Variants in CLIC6 observed in about 807,000 individuals in gnomAD.
CLIC6 encodes CLIC family member 6, also known as chloride intracellular channel protein 6.
CLIC6 carries 39 observed loss-of-function variants against 49.2 expected under a neutral mutation model. That is an observed-to-expected ratio of 0.79 (90% CI 0.61 to 1.04). The LOEUF is 1.04. Among genes scored for constraint, CLIC6 ranks in the 50% least tolerant of loss-of-function variants. The pLI is 0.00. For missense variants in CLIC6, 988 were observed against 993.1 expected, an observed-to-expected ratio of 0.99 and a Z score of 0.07; for synonymous variants, 446 against 433.4, an observed-to-expected ratio of 1.03 and a Z score of -0.36.
intron 1 of CLIC6, among the ~76,000 whole-genome samples, chr21:34,678,807 T>A (rs1040363943): frequency 6.6e-6 from 1 of 152,204 alleles, no homozygotes; most frequent in African/African-American, 2.4e-5. Flanking sequence ...TACATTGGAA[T>A]AGTAAAATTT....
chr21:34,675,443 A>T (rs1218290805), intron 1 of CLIC6, among the ~76,000 whole-genome samples: 1 of 151,986 alleles, frequency 6.6e-6, no homozygotes, highest in Non-Finnish European at 1.5e-5. Context: ...TGAAAGGGAG[A>T]TGTTATTTTC....
chr21:34,681,835 G>A (rs1435590529), intron 1 of CLIC6, among the ~76,000 whole-genome samples: 1 of 152,096 alleles, frequency 6.6e-6, no homozygotes, highest in African/African-American at 2.4e-5. Flanking sequence ...GTGGAATTAG[G>A]CTCCACCAAT....
chr21:34,672,531 G>A (rs1989585213), intron 1 of CLIC6, among the ~76,000 whole-genome samples: 1 of 152,200 alleles, frequency 6.6e-6, no homozygotes, highest in African/African-American at 2.4e-5. Flanking sequence ...TAGCATGGAT[G>A]TCATATCTTC....
At position 34,716,735 on chromosome 21, in the gene CLIC6, G is replaced by T; in HGVS notation, c.*253G>T. 3.7e-6 allele frequency: 1 copy of T among 272,758 alleles called. No individual in the cohort carries two copies. Among genetic ancestry groups the T allele is most frequent in the South Asian group, 9.0e-5 (1 of 11,056 alleles). 16.9% of individuals were successfully genotyped at this position (272,758 alleles called of 1,614,324 possible). A position where few individuals can be genotyped will look rare whatever the true frequency, so the allele number is the denominator to read the frequency against. On this transcript the variant is annotated 3_prime_UTR_variant, in exon 6 of 6. Coordinates refer to ENST00000349499, the MANE Select transcript of CLIC6 (RefSeq NM_053277.3). ...TGATATTTTAAAGCAATATCAGAGG[G>T]TGTAAAGAAGGACATTTTAACAATC...
chr21:34,709,124 T>C (rs1221999066), intron 4 of CLIC6, among the ~76,000 whole-genome samples: 1 of 152,246 alleles, frequency 6.6e-6, no homozygotes, highest in Non-Finnish European at 1.5e-5. Context: ...ATAAGTATTT[T>C]TGAATAAATA....
chr21:34,706,078 A>G, intron 1 of CLIC6: 2 of 684,802 alleles, frequency 2.9e-6, no homozygotes, highest in Non-Finnish European at 2.7e-6. Flanking sequence ...GAAATACCTG[A>G]GAGTGGGTAA....
rs554194841 is a variant in CLIC6 at position 34,669,300 on chromosome 21, G to A, written c.-89G>A. 1.6e-4 allele frequency: 173 copies of A among 1,083,464 alleles called. No homozygotes were observed. The highest frequency in any genetic ancestry group is 1.5e-3 in the African/African-American group (90 of 61,654). 67.1% of individuals were successfully genotyped at this position (1,083,464 alleles called of 1,614,324 possible). ...GCCGGCGTCCTTCAAGGAGCACAGA[G>A]GGCCCCGTAGCACGCCCCTTGCCCA... On this transcript the variant is annotated 5_prime_UTR_variant, in exon 1 of 6. Transcript: ENST00000349499.
chr21:34,714,791 C>T (rs2056077223), intron 5 of CLIC6, among the ~76,000 whole-genome samples: 1 of 151,590 alleles, frequency 6.6e-6, no homozygotes, highest in Admixed American at 6.6e-5. Context: ...TGACCATAAA[C>T]CTTTTAAATG....
chr21:34,674,904 T>C (rs1785513093), intron 1 of CLIC6, among the ~76,000 whole-genome samples: 1 of 152,184 alleles, frequency 6.6e-6, no homozygotes, highest in South Asian at 2.1e-4. Context: ...AGTGGAGATT[T>C]AGTCGCCAAG....
intron 1 of CLIC6, among the ~76,000 whole-genome samples, chr21:34,686,514 C>G (rs973561802): frequency 4.6e-5 from 7 of 152,206 alleles, no homozygotes; most frequent in Admixed American, 6.5e-5. Flanking sequence ...TTTAATACTC[C>G]TATTAAGAAG....
In CLIC6 at chr21:34,669,337, C is replaced by CCTTAA. The variant is rs1239401234; in HGVS notation, c.-51_-47dup. ...ACGCCCCTTGCCCAGCGCCACCGAC[C>CCTTAA]CTTAAGCAGCGTCAAGGAAGGAGTC... On this transcript the variant is annotated 5_prime_UTR_variant, in exon 1 of 6. Coordinates refer to ENST00000349499, the MANE Select transcript of CLIC6 (RefSeq NM_053277.3). 1 of 1,224,976 alleles carries CCTTAA rather than the reference C, an allele frequency of 8.2e-7. No homozygotes were observed. The highest frequency in any genetic ancestry group is 3.2e-5 in the East Asian group (1 of 31,694). 75.9% of individuals were successfully genotyped at this position (1,224,976 alleles called of 1,614,324 possible).
chr21:34,669,518 AGCGAGGGC>A lies in CLIC6; in HGVS notation c.133_140del (p.Glu45ArgfsTer37), dbSNP rs761712876. 2.4e-6 allele frequency: 3 copies of A among 1,238,102 alleles called. No homozygotes were observed. Among genetic ancestry groups the A allele is most frequent in the Non-Finnish European group, 3.0e-6 (3 of 992,526 alleles). 76.7% of individuals were successfully genotyped at this position (1,238,102 alleles called of 1,614,324 possible). ...CGGGGAGGCAGAAGGGCCGGAGGGG[AGCGAGGGC>A]GCAGAGGAGGCGCCGAGGGGCGCCG... is the stretch of plus-strand genomic sequence containing the variant. On this transcript the variant is annotated frameshift_variant, in exon 1 of 6. Transcript: ENST00000349499. LOFTEE classifies it high-confidence loss of function.
intron 5 of CLIC6, 50 bp from the exon 6 acceptor site, chr21:34,716,271 C>A (rs1176642637): frequency 2.0e-6 from 3 of 1,509,384 alleles, no homozygotes; most frequent in Admixed American, 1.8e-5. Context: ...GACTTGGGAG[C>A]CTACCTTAGC....
At chr21:34,699,540 C>CA (rs1990149768) in intron 1 of CLIC6, among the ~76,000 whole-genome samples, 1 of 151,254 alleles carries the variant, frequency 6.6e-6, no homozygotes, top group African/African-American at 2.4e-5. Flanking sequence ...GCTGAGATTA[C>CA]AGGTGTGAGC....
intron 1 of CLIC6, among the ~76,000 whole-genome samples, chr21:34,692,461 C>A (rs1203420556): frequency 6.6e-6 from 1 of 152,194 alleles, no homozygotes; most frequent in Admixed American, 6.5e-5. Flanking sequence ...TAGATGATCA[C>A]CTGCTTTCTA....
intron 2 of CLIC6, 43 bp from the exon 3 acceptor site, chr21:34,707,901 T>G: frequency 6.2e-7 from 1 of 1,610,592 alleles, no homozygotes; most frequent in East Asian, 2.2e-5. Flanking sequence ...TGAGTCCAGA[T>G]TCTCACGGTG....
At chr21:34,691,297 T>C (rs1029685745) in intron 1 of CLIC6, among the ~76,000 whole-genome samples, 30 of 152,148 alleles carry the variant, frequency 2.0e-4, no homozygotes, top group Admixed American at 1.8e-3. Flanking sequence ...CTGAACATAT[T>C]GATAGTTCTA....
At chr21:34,683,250 A>G (rs1601264981) in intron 1 of CLIC6, among the ~76,000 whole-genome samples, 2 of 152,220 alleles carry the variant, frequency 1.3e-5, no homozygotes, top group East Asian at 3.9e-4. Context: ...CTTCATGCCT[A>G]TATCACCCCA....
Position 34,669,536 on chromosome 21 carries a change from G to A in CLIC6, c.148G>A (p.Ala50Thr). Residue 50 changes from alanine (A) to threonine (T), a missense_variant, in exon 1 of 6, where the codon GCG becomes ACG. Around this residue, in one of 3 missense-constraint regions of CLIC6, gnomAD observed 284 missense variants for 278.6 expected, o/e 1.02. Transcript: ENST00000349499. ...GGAGGGGAGCGAGGGCGCAGAGGAGGCGCCGAGGGGCGCCGCCGCTGTGAA... is the reference window on the plus strand; with the variant it reads ...GGAGGGGAGCGAGGGCGCAGAGGAGACGCCGAGGGGCGCCGCCGCTGTGAA... ...GPEGSEGAEE[A>T]PRGAAAVKEA... 1 of 1,244,758 alleles carries A rather than the reference G, an allele frequency of 8.0e-7. No homozygotes were observed. Among genetic ancestry groups the A allele is most frequent in the African/African-American group, 1.5e-5 (1 of 64,538 alleles). The allele number at this position is 1,244,758 out of a possible 1,614,324, so 77.1% of individuals were successfully genotyped here. A position where few individuals can be genotyped will look rare whatever the true frequency, so the allele number is the denominator to read the frequency against.
Sources: gnomAD v4.1 joint callset for allele counts (sites outside exome capture counted in the v4.1 genomes callset) on GRCh38, gnomAD v4.1.1 for gene constraint, gnomAD v4.1.1 regional missense constraint, MANE v1.5 for transcripts, NCBI Gene and HGNC (gene_info 2026-07-23, HGNC 2026-07-21) for gene names.